AACS: variants seen among roughly 807,000 people sequenced by gnomAD.
The protein encoded by AACS is acetoacetyl-CoA synthetase, also known as acetoacetate-CoA ligase.
In AACS, 69 loss-of-function variants were observed where a neutral mutation model predicts 83.1. That is an observed-to-expected ratio of 0.83 (90% CI 0.68 to 1.01). The LOEUF (loss-of-function observed/expected upper bound fraction) is 1.01, where lower values mean the gene tolerates loss of function less well. AACS is among the 50% of genes least tolerant of loss of function. The pLI is 0.00. For missense variants in AACS, 866 were observed against 882.2 expected, an observed-to-expected ratio of 0.98 and a Z score of 0.23; for synonymous variants, 333 against 343.4, an observed-to-expected ratio of 0.97 and a Z score of 0.33.
intron 7 of AACS, among the ~76,000 whole-genome samples, chr12:125,106,490 G>A (rs1020431183): frequency 2.6e-5 from 4 of 152,148 alleles, no homozygotes; most frequent in African/African-American, 4.8e-5. Context: ...GTAAACCTCA[G>A]GATCTAGTAA....
At chr12:125,107,062 G>T (rs755513494) in intron 7 of AACS, 59 bp from the exon 8 acceptor site, 42 of 1,606,860 alleles carry the variant, frequency 2.6e-5, no homozygotes, top group Non-Finnish European at 3.4e-5. Context: ...TGGAATCAGT[G>T]GGTCCGGTCC....
intron 16 of AACS, 32 bp from the exon 17 acceptor site, chr12:125,136,630 G>C: frequency 6.2e-7 from 1 of 1,602,816 alleles, no homozygotes; most frequent in Non-Finnish European, 8.5e-7. Context: ...GGGGCCCCCT[G>C]CGTGAATGTG....
Position 125,130,395 on chromosome 12 carries a change from A to G in AACS, c.1549+935A>G, listed in dbSNP as rs1957314367. Among the ~76,000 whole-genome samples the G allele has an allele frequency of 6.6e-6, 1 of 152,278 alleles. No individual in the cohort carries two copies. The highest frequency in any genetic ancestry group is 1.5e-5 in the Non-Finnish European group (1 of 68,050). Reference sequence around the variant, plus strand: ...TCCTGCCGTGAGCAGCTGTGCAGACAGACGAATGCAGAAAAGCAAGAGTGG... The same window carrying G: ...TCCTGCCGTGAGCAGCTGTGCAGACGGACGAATGCAGAAAAGCAAGAGTGG... On this transcript the variant is annotated intron_variant, in intron 14 of 17. Coordinates refer to ENST00000316519, the MANE Select transcript of AACS (RefSeq NM_023928.5). The surrounding 1 kb of genome is among the most constrained non-coding windows in gnomAD (Gnocchi z 4.9).
intron 5 of AACS, chr12:125,102,472 A>ATTT: frequency 9.0e-6 from 4 of 446,734 alleles, no homozygotes; most frequent in South Asian, 2.4e-5. Context: ...GGTTTTTGCC[A>ATTT]TTTTTTTTTT....
At chr12:125,096,511 G>A (rs1006192328) in intron 5 of AACS, among the ~76,000 whole-genome samples, 3 of 152,198 alleles carry the variant, frequency 2.0e-5, no homozygotes, top group Non-Finnish European at 4.4e-5. Flanking sequence ...GGGAGCTTGG[G>A]TGTCAGGAGT....
intron 10 of AACS, among the ~76,000 whole-genome samples, chr12:125,119,395 T>G (rs1279849035): frequency 6.6e-6 from 1 of 152,010 alleles, no homozygotes; most frequent in Admixed American, 6.6e-5. Context: ...GATTCAGGAG[T>G]GAGATTGTAT....
intron 8 of AACS, among the ~76,000 whole-genome samples, chr12:125,112,179 C>A (rs1956966622): frequency 6.6e-6 from 1 of 152,108 alleles, no homozygotes; most frequent in Non-Finnish European, 1.5e-5. Flanking sequence ...TATTGCCTAC[C>A]CACTGTGCAG....
intron 5 of AACS, among the ~76,000 whole-genome samples, chr12:125,098,183 A>G (rs1018334886): frequency 2.3e-4 from 35 of 152,110 alleles, no homozygotes; most frequent in African/African-American, 8.2e-4. Flanking sequence ...TAATCCCAGC[A>G]CTTTGGGAGG....
intron 5 of AACS, chr12:125,101,621 G>A (rs1956710038): frequency 6.6e-6 from 1 of 151,944 alleles, no homozygotes; most frequent in African/African-American, 2.4e-5. Flanking sequence ...TGTAAGGTGG[G>A]GAATCTTTTT....
At chr12:125,100,078 C>T (rs1218093408) in intron 5 of AACS, among the ~76,000 whole-genome samples, 1 of 152,082 alleles carries the variant, frequency 6.6e-6, no homozygotes, top group South Asian at 2.1e-4. Flanking sequence ...TACAGTGCTG[C>T]GAACACAGTT....
rs117099697 is a variant in AACS, at chr12:125,075,276, G to A, written c.238-1215G>A. 9.6e-3 allele frequency among the ~76,000 whole-genome samples: 1,451 copies of A among 151,742 alleles called. 13 individuals are homozygous for A. The highest frequency in any genetic ancestry group is 0.071 in the East Asian group (366 of 5,126). On this transcript the variant is annotated intron_variant, in intron 2 of 17. Coordinates refer to ENST00000316519, the MANE Select transcript of AACS (RefSeq NM_023928.5). ...GCATGAGCCACCGTGCCCGGCATTA[G>A]TTTTTTAAACTATTTAGAAGTTTCG...
At chr12:125,074,495 T>G (rs933160930) in intron 2 of AACS, among the ~76,000 whole-genome samples, 8 of 151,758 alleles carry the variant, frequency 5.3e-5, no homozygotes, top group Admixed American at 4.6e-4. Flanking sequence ...TGCAGTGAGC[T>G]GTGACTGCGC....
At chr12:125,123,864 C>G (rs1165337656) in intron 10 of AACS, 3 of 152,214 alleles carry the variant, frequency 2.0e-5, no homozygotes, top group African/African-American at 7.2e-5. Flanking sequence ...TTAGACAGGG[C>G]TGCCCTTGAA....
chr12:125,083,290 G>A (rs540755647), intron 3 of AACS, among the ~76,000 whole-genome samples: 20 of 152,292 alleles, frequency 1.3e-4, no homozygotes, highest in African/African-American at 4.8e-4. Context: ...TCACAGCATG[G>A]CCACTGGCAT....
chr12:125,133,227 G>A (rs1009393291), intron 14 of AACS, among the ~76,000 whole-genome samples: 3 of 152,104 alleles, frequency 2.0e-5, no homozygotes, highest in African/African-American at 4.8e-5. Context: ...TGACTCTCTC[G>A]GCTGTGTGGC....
chr12:125,116,744 C>A (rs1489193915), intron 9 of AACS, among the ~76,000 whole-genome samples: 2 of 152,162 alleles, frequency 1.3e-5, no homozygotes, highest in Non-Finnish European at 2.9e-5. Flanking sequence ...GGATTACAGG[C>A]ATGAGCCACC....
At chr12:125,078,820 CAAAAAAAAAAAA>C (rs71092270) in intron 3 of AACS, among the ~76,000 whole-genome samples, 120 of 52,054 alleles carry the variant, frequency 2.3e-3, no homozygotes, top group Non-Finnish European at 2.9e-3. Context: ...GACTCCGTCT[CAAAAAAAAAAAA>C]AAAAAAAAAA....
At chr12:125,090,665 C>T (rs1176362800) in intron 4 of AACS, among the ~76,000 whole-genome samples, 1 of 151,206 alleles carries the variant, frequency 6.6e-6, no homozygotes, top group Non-Finnish European at 1.5e-5. Context: ...ATCTATCCTC[C>T]ATCTGTCATC....
rs61945673 is a variant in AACS, at chr12:125,095,704, C to T, written c.570+4181C>T. Among the ~76,000 whole-genome samples the T allele has an allele frequency of 5.3e-3, 807 of 152,348 alleles. 11 individuals are homozygous for T. The highest frequency in any genetic ancestry group is 6.1e-3 in the Non-Finnish European group (417 of 68,030). On this transcript the variant is annotated intron_variant, in intron 5 of 17. Transcript: ENST00000316519. Reference sequence around the variant, plus strand: ...TGGGCTTTGGAGATGCTGACTCCAGCGGCTTTCTGGGTTTCCTCCTCTTCC... The same window carrying T: ...TGGGCTTTGGAGATGCTGACTCCAGTGGCTTTCTGGGTTTCCTCCTCTTCC...
Sources: gnomAD v4.1 joint callset for allele counts (sites outside exome capture counted in the v4.1 genomes callset) on GRCh38, gnomAD v4.1.1 for gene constraint, Gnocchi (gnomAD v3.1) non-coding constraint, MANE v1.5 for transcripts, NCBI Gene and HGNC (gene_info 2026-07-23, HGNC 2026-07-21) for gene names.